ZBTB17: variants seen among roughly 807,000 people sequenced by gnomAD.
ZBTB17 encodes zinc finger and BTB domain containing 17.
Under a neutral mutation model 85.1 loss-of-function variants are expected in ZBTB17, and 24 were observed. That is an observed-to-expected ratio of 0.28 (90% confidence interval 0.20 to 0.40). The LOEUF (loss-of-function observed/expected upper bound fraction) is 0.40, where lower values mean the gene tolerates loss of function less well. Ranked by LOEUF, ZBTB17 falls within the 10% of genes least tolerant of loss-of-function variation. ZBTB17 has a pLI of 1.00. For synonymous variants in ZBTB17, 464 were observed against 460.2 expected (o/e 1.01, Z -0.11); for missense variants, 743 against 1,105.1 (o/e 0.67, Z 4.65).
chr1:15,969,055 C>T (rs2072546237), intron 2 of ZBTB17, among the ~76,000 whole-genome samples: 1 of 152,212 alleles, frequency 6.6e-6, no homozygotes, highest in Admixed American at 6.5e-5. Context: ...ACAGCCGCTC[C>T]CCATCACTTG....
chr1:15,942,088 C>T lies in ZBTB17; in HGVS notation c.2293G>A (p.Ala765Thr), dbSNP rs756031989. The T allele has an allele frequency of 4.3e-6, 7 of 1,613,228 alleles. No individual in the cohort carries two copies. The highest frequency in any genetic ancestry group is 1.1e-5 in the South Asian group (1 of 91,092). Residue 765 changes from alanine to threonine, a missense_variant, in exon 16 of 16, where the codon GCC (alanine) becomes ACC (threonine). Coordinates refer to ENST00000375743, the MANE Select transcript of ZBTB17 (RefSeq NM_003443.3). ...QQYGPGGTWP[A>T]GQVLQAGELV... ...TCCCCAGCCTGCAGCACCTGCCCGG[C>T]AGGCCACGTGCCACCTGGCCCATAC...
Position 15,948,476 on chromosome 1 carries a change from C to T in ZBTB17, c.20G>A (p.Ser7Asn). 6.2e-7 allele frequency: 1 copy of T among 1,613,874 alleles called. No homozygotes were observed. Among genetic ancestry groups the T allele is most frequent in the Non-Finnish European group, 8.5e-7 (1 of 1,179,910 alleles). Reference sequence around the variant, plus strand: ...GTTCAGCTGTTCCAAGACATGCTGGCTGTGCTGGGGAAAGTCCATGGCTGA... The same window carrying T: ...GTTCAGCTGTTCCAAGACATGCTGGTTGTGCTGGGGAAAGTCCATGGCTGA... MDFPQH[S>N]QHVLEQLNQQ... Residue 7 changes from serine (S) to asparagine (N), a missense_variant, in exon 3 of 16, where the codon AGC becomes AAC. By Grantham distance (46) the Ser-to-Asn change is conservative (BLOSUM62 1). This residue lies in a region of ZBTB17 where 74 missense variants were observed against 142.6 expected (regional missense o/e 0.52). Coordinates refer to ENST00000375743, the MANE Select transcript of ZBTB17 (RefSeq NM_003443.3).
At chr1:15,971,886 C>CTT (rs34488066) in intron 2 of ZBTB17, among the ~76,000 whole-genome samples, 41,969 of 146,822 alleles carry the variant, frequency 0.29, 6,348 homozygotes, top group Non-Finnish European at 0.32. Flanking sequence ...ATAGTCATTA[C>CTT]TTTTTTTTTT....
chr1:15,968,856 C>A (rs555382326), intron 2 of ZBTB17, among the ~76,000 whole-genome samples: 2 of 152,342 alleles, frequency 1.3e-5, no homozygotes, highest in South Asian at 4.1e-4. Flanking sequence ...GACTGGCCTC[C>A]AGCTTCCAAC....
At chr1:15,965,552 C>T (rs1033149846) in intron 2 of ZBTB17, among the ~76,000 whole-genome samples, 3 of 152,178 alleles carry the variant, frequency 2.0e-5, no homozygotes, top group African/African-American at 2.4e-5. Context: ...AAGTTGAAGA[C>T]GCACATACCC....
At chr1:15,947,395 G>A (rs938203983) in intron 3 of ZBTB17, 1 of 450,064 alleles carries the variant, frequency 2.2e-6, no homozygotes, top group Admixed American at 3.5e-5. Flanking sequence ...ACAGAGGACA[G>A]GAGGTGTGAA....
Position 15,946,963 on chromosome 1 carries a change from C to T in ZBTB17, c.366G>A (p.Gly122=). The change falls in exon 4 of 16, where the codon GGG becomes GGA. Residue 122 remains glycine, a synonymous_variant. Transcript: ENST00000375743. Reference sequence around the variant, plus strand: ...CTGTGGCCAAGGCCTCCGCATTTCCCCCAGGGCTGGTAGCCGGCTCAGCAA... The same window carrying T: ...CTGTGGCCAAGGCCTCCGCATTTCCTCCAGGGCTGGTAGCCGGCTCAGCAA... The part of the protein sequence containing the change: ...KSLAEPATSP[G]GNAEALATEG... 1 of 1,613,454 alleles carries T rather than the reference C, an allele frequency of 6.2e-7. No homozygotes were observed. Among genetic ancestry groups the T allele is most frequent in the Non-Finnish European group, 8.5e-7 (1 of 1,179,470 alleles).
At chr1:15,943,773 G>A (rs1235406396) in intron 10 of ZBTB17, 35 bp downstream of exon 10, 1 of 1,612,658 alleles carries the variant, frequency 6.2e-7, no homozygotes, top group South Asian at 1.1e-5. Flanking sequence ...CGAGGAGCAG[G>A]GGTGTGAGGG....
chr1:15,944,594 C>G lies in ZBTB17; in HGVS notation c.1077G>C (p.Leu359=), dbSNP rs2071509838. ...CGCACTCCTCGCAGCCGTAGGGCTT[C>G]AGAGGGCTGCAGGGCCAGAAGGCGA... ...CKAHEKTHSP[L]KPYGCEECGK... The change falls in exon 9 of 16, where the codon CTG becomes CTC. Residue 359 remains leucine, a synonymous_variant. Coordinates refer to ENST00000375743, the MANE Select transcript of ZBTB17 (RefSeq NM_003443.3). 1 of 1,599,194 alleles carries G rather than the reference C, an allele frequency of 6.3e-7. No homozygotes were observed. The highest frequency in any genetic ancestry group is 8.5e-7 in the Non-Finnish European group (1 of 1,179,498).
chr1:15,974,576 T>A (rs181160270), intron 1 of ZBTB17, among the ~76,000 whole-genome samples: 1 of 152,034 alleles, frequency 6.6e-6, no homozygotes, highest in African/African-American at 2.4e-5. Flanking sequence ...CTGCTGCTTT[T>A]TTTTTTTTTC....
At chr1:15,969,459 G>T (rs1447917953) in intron 2 of ZBTB17, among the ~76,000 whole-genome samples, 2 of 152,118 alleles carry the variant, frequency 1.3e-5, no homozygotes, top group Non-Finnish European at 2.9e-5. Flanking sequence ...GTGCCAAAAA[G>T]GTTGGGGGCT....
chr1:15,966,406 GA>G lies in ZBTB17; in HGVS notation c.-3+6632del, dbSNP rs2072443809. The stretch of plus-strand genomic sequence containing the variant: ...CTGAGTAGATTTTTGATGTTACAAT[GA>G]ACCCACTAAGCCTGCTTTCTGGCCC... On this transcript the variant is annotated intron_variant, in intron 2 of 15. Transcript: ENST00000375743. The surrounding 1 kb of genome is among the most constrained non-coding windows in gnomAD (Gnocchi z 4.1). Among the ~76,000 whole-genome samples the G allele has an allele frequency of 6.6e-6, 1 of 152,140 alleles. No homozygotes were observed. The highest frequency in any genetic ancestry group is 2.1e-4 in the South Asian group (1 of 4,828).
Position 15,945,752 on chromosome 1 carries a change from T to C in ZBTB17, c.624A>G (p.Ala208=), listed in dbSNP as rs368013740. 5.6e-6 allele frequency: 9 copies of C among 1,607,104 alleles called. No individual in the cohort carries two copies. Among genetic ancestry groups the C allele is most frequent in the Non-Finnish European group, 7.6e-6 (9 of 1,179,806 alleles). ...KPDPTSGMAA[A]EAEAALSESS... ...TCTCGGACAAAGCGGCCTCAGCTTCTGCAGCAGCCATGCCACTCGTGGGGT... is the reference window on the plus strand; with the variant it reads ...TCTCGGACAAAGCGGCCTCAGCTTCCGCAGCAGCCATGCCACTCGTGGGGT... Residue 208 remains alanine, a synonymous_variant, in exon 6 of 16, where the codon GCA becomes GCG. Coordinates refer to ENST00000375743, the MANE Select transcript of ZBTB17 (RefSeq NM_003443.3).
At chr1:15,942,966 A>G in intron 13 of ZBTB17, 98 bp downstream of exon 13, 1 of 1,533,464 alleles carries the variant, frequency 6.5e-7, no homozygotes, top group Non-Finnish European at 8.8e-7. Context: ...AAGAGCTAGC[A>G]CCCGAGGCTG....
rs903352893 is a variant in ZBTB17, at chr1:15,943,393, C to T, written c.1697+6G>A. ...TGGCCAGTGGGTGTGGGGGAGGGGG[C>T]AGGACCTCTTGCCGCAGCGCTCGCA... On this transcript the variant is annotated splice_donor_region_variant and intron_variant, in intron 12 of 15. Transcript: ENST00000375743. The T allele has an allele frequency of 3.1e-6, 5 of 1,591,310 alleles. No individual in the cohort carries two copies. In the African/African-American group the frequency reaches 4.0e-5, roughly 13 times the overall value.
chr1:15,944,486 G>A lies in ZBTB17; in HGVS notation c.1185C>T (p.Cys395=), dbSNP rs2071503440. The stretch of plus-strand genomic sequence containing the variant: ...TGCCCGAGGTGGTGAAGAGCTTGCC[G>A]CAGTCCTCGCAGCGGTAGCGCGCCT... ...SGEARYRCED[C]GKLFTTSGNL... is the part of the protein sequence containing the mutation. The change falls in exon 9 of 16, where the codon TGC becomes TGT. Residue 395 remains cysteine, a synonymous_variant. Transcript: ENST00000375743. 1.9e-6 allele frequency: 3 copies of A among 1,577,306 alleles called. No homozygotes were observed. The highest frequency in any genetic ancestry group is 8.6e-7 in the Non-Finnish European group (1 of 1,163,606).
chr1:15,971,421 A>G (rs1413133304), intron 2 of ZBTB17, among the ~76,000 whole-genome samples: 1 of 127,700 alleles, frequency 7.8e-6, no homozygotes, highest in East Asian at 2.3e-4. Flanking sequence ...CACACACTAT[A>G]TATATATACA....
Sources: allele counts gnomAD v4.1 joint callset (sites outside exome capture counted in the v4.1 genomes callset), GRCh38; gene constraint gnomAD v4.1.1; regional missense constraint gnomAD v4.1.1; non-coding constraint Gnocchi (gnomAD v3.1); transcripts MANE v1.5; gene names NCBI Gene and HGNC (gene_info 2026-07-23, HGNC 2026-07-21).